IKBKE: variants seen among roughly 807,000 people sequenced by gnomAD.
IKBKE encodes the protein inhibitor of nuclear factor kappa B kinase subunit epsilon.
IKBKE carries 45 observed loss-of-function variants against 92.1 expected under a neutral mutation model. That is an observed-to-expected ratio of 0.49 (90% CI 0.38 to 0.63). The LOEUF (loss-of-function observed/expected upper bound fraction) is 0.63. Among genes scored for constraint, IKBKE ranks in the 20% least tolerant of loss-of-function variants. IKBKE has a pLI of 0.00. For synonymous variants in IKBKE, 374 were observed against 380.3 expected (o/e 0.98, Z 0.19); for missense variants, 700 against 932.8 (o/e 0.75, Z 3.25).
intron 13 of IKBKE, among the ~76,000 whole-genome samples, chr1:206,483,425 AT>A (rs1366673229): frequency 2.0e-5 from 3 of 152,192 alleles, no homozygotes; most frequent in African/African-American, 7.2e-5. Context: ...CGCCTTCAGC[AT>A]CCGTGCACTG....
rs530366333 is a variant in IKBKE at position 206,485,447 on chromosome 1, G to A, written c.1616+141G>A. The A allele has an allele frequency of 2.6e-3, 1,628 of 618,676 alleles. 4 individuals are homozygous for A. The highest frequency in any genetic ancestry group is 4.9e-3 in the Middle Eastern group (12 of 2,470). The allele number at this position is 618,676 out of a possible 1,614,324, so 38.3% of individuals were successfully genotyped here. On this transcript the variant is annotated intron_variant, in intron 15 of 21. Transcript: ENST00000581977. This position sits in a 1 kb window ranked among gnomAD's most constrained non-coding sequence, Gnocchi z 5.0. ...GTGCTAGGGCATGGGGGAGTAGAGG[G>A]AGATCCAGCAATAAACAAGAACCCC...
chr1:206,474,457 G>A lies in IKBKE; in HGVS notation c.214G>A (p.Ala72Thr), dbSNP rs201577746. The A allele has an allele frequency of 1.3e-4, 210 of 1,613,690 alleles. No individual in the cohort carries two copies. The highest frequency in any genetic ancestry group is 1.7e-4 in the Non-Finnish European group (197 of 1,179,828). ...LNHQNIVKLF[A>T]VEETGGSRQK... ...CCACCAGAACATTGTCAAGCTCTTT[G>A]CGGTGGAGGAGACGGTAGGTCCGGT... The change falls in exon 4 of 22, where the codon GCG becomes ACG. Residue 72 changes from alanine (A) to threonine (T), a missense_variant. Transcript: ENST00000581977.
chr1:206,489,379 A>ATGTGTC (rs1665827874), intron 16 of IKBKE, among the ~76,000 whole-genome samples: 1 of 130,522 alleles, frequency 7.7e-6, no homozygotes, highest in Admixed American at 7.7e-5. Flanking sequence ...GTATATATAT[A>ATGTGTC]TATATATATA....
chr1:206,491,775 A>G lies in IKBKE; in HGVS notation c.1835+26A>G, dbSNP rs1482259722. 3 of 1,563,420 alleles carry G rather than the reference A, an allele frequency of 1.9e-6. No individual in the cohort carries two copies. In the African/African-American group the frequency reaches 4.1e-5, roughly 21 times the overall value. On this transcript the variant is annotated intron_variant, in intron 18 of 21. Transcript: ENST00000581977. ...GTAACAGCCCCTCCTGAGCTCCTGG[A>G]GCCCAGGGCCTGGCCTGGCCCTTCT... is the stretch of plus-strand genomic sequence containing the variant.
chr1:206,482,669 C>G (rs1311088509), intron 13 of IKBKE, among the ~76,000 whole-genome samples: 1 of 152,232 alleles, frequency 6.6e-6, no homozygotes, highest in African/African-American at 2.4e-5. Context: ...AGCCTCTTCT[C>G]TTAGTCTGGG....
chr1:206,493,663 C>T (rs1168003813), intron 20 of IKBKE, among the ~76,000 whole-genome samples: 1 of 152,194 alleles, frequency 6.6e-6, no homozygotes, highest in Non-Finnish European at 1.5e-5. Context: ...GTGGCAGGCA[C>T]CTGTAATCTC....
In IKBKE at chr1:206,474,390, C is replaced by T. The variant is rs202043961; in HGVS notation, c.147C>T (p.Arg49=). ...ACACTACCAGCTACCTGCGGCCCCG[C>T]GAGGTGCAGGTGAGGGAGTTTGAGG... ...VFNTTSYLRP[R]EVQVREFEVL... is the part of the protein sequence containing the mutation. The change falls in exon 4 of 22, where the codon CGC becomes CGT. Residue 49 remains arginine (R), a synonymous_variant. Transcript: ENST00000581977. 199 of 1,613,602 alleles carry T rather than the reference C, an allele frequency of 1.2e-4. 1 individual carries two copies. Among genetic ancestry groups the T allele is most frequent in the Middle Eastern group, 8.3e-4 (5 of 6,058 alleles).
intron 15 of IKBKE, among the ~76,000 whole-genome samples, chr1:206,486,557 AG>A (rs1665673210): frequency 1.3e-5 from 2 of 148,772 alleles, no homozygotes; most frequent in East Asian, 2.0e-4. Flanking sequence ...TGCAGATCTG[AG>A]GCCCTGTCCT....
At chr1:206,492,213 C>A in intron 18 of IKBKE, 1 of 352,018 alleles carries the variant, frequency 2.8e-6, no homozygotes, top group Non-Finnish European at 5.6e-6. Flanking sequence ...GGGATAAGGA[C>A]AGTGGCAGTG....
rs782190683 is a variant in IKBKE, at chr1:206,478,559, T to C, written c.992+220T>C. On this transcript the variant is annotated intron_variant, in intron 9 of 21. Transcript: ENST00000581977. The surrounding 1 kb of genome is among the most constrained non-coding windows in gnomAD (Gnocchi z 4.8). ...GTCAGTACCTTTTCTAATGCTAATATGCATTATACATCTGAGAAGTGTGTG... is the reference window on the plus strand; with the variant it reads ...GTCAGTACCTTTTCTAATGCTAATACGCATTATACATCTGAGAAGTGTGTG... Among the ~76,000 whole-genome samples, 76 of 152,348 alleles carry C rather than the reference T, an allele frequency of 5.0e-4. No homozygotes were observed. Among genetic ancestry groups the C allele is most frequent in the Non-Finnish European group, 9.6e-4 (65 of 68,040 alleles).
In IKBKE at chr1:206,493,940, G is replaced by A. The variant is rs1666086434; in HGVS notation, c.2066G>A (p.Gly689Glu). The A allele has an allele frequency of 6.2e-7, 1 of 1,614,108 alleles. No homozygotes were observed. The highest frequency in any genetic ancestry group is 1.1e-5 in the South Asian group (1 of 91,078). Residue 689 changes from glycine (G) to glutamate (E), a missense_variant, in exon 21 of 22, where the codon GGG becomes GAG. Transcript: ENST00000581977. ...LLLHMQELCE[G>E]MKLLASDLLD... is the part of the protein sequence containing the mutation. ...GGCAGCATGCAAGAGCTCTGCGAGG[G>A]GATGAAGCTGCTGGCATCTGACCTC...
At chr1:206,494,384 G>C (rs1202728073) in intron 21 of IKBKE, among the ~76,000 whole-genome samples, 1 of 152,046 alleles carries the variant, frequency 6.6e-6, no homozygotes, top group African/African-American at 2.4e-5. Flanking sequence ...CAGACACCTT[G>C]GATACGATGC....
At chr1:206,479,995 C>A (rs781905026) in intron 11 of IKBKE, 27 bp from the exon 12 acceptor site, 99 of 1,611,818 alleles carry the variant, frequency 6.1e-5, no homozygotes, top group Non-Finnish European at 8.1e-5. Flanking sequence ...GGTGTGGGAC[C>A]TGGCCCTGTG....
chr1:206,488,283 G>A (rs1021312827), intron 16 of IKBKE, among the ~76,000 whole-genome samples: 1 of 152,238 alleles, frequency 6.6e-6, no homozygotes, highest in Non-Finnish European at 1.5e-5. Flanking sequence ...CAGTGGGCCG[G>A]GACCTGGGTG....
At chr1:206,496,073 C>T in intron 21 of IKBKE, 39 bp from the exon 22 acceptor site, 1 of 1,590,228 alleles carries the variant, frequency 6.3e-7, no homozygotes, top group Non-Finnish European at 8.6e-7. Flanking sequence ...CAGGCCTCTC[C>T]AACAGGTGGG....
Position 206,479,018 on chromosome 1 carries a change from T to C in IKBKE, c.1068T>C (p.Gly356=), listed in dbSNP as rs1261322903. The part of the protein sequence containing the change: ...APRHQEYLFE[G]HLCVLEPSVS... ...GACACCAGGAGTACCTCTTTGAGGG[T>C]CACCTCTGTGTCCTCGAGCCCAGCG... Residue 356 remains glycine (G), a synonymous_variant, in exon 10 of 22, where the codon GGT becomes GGC. Transcript: ENST00000581977. The C allele has an allele frequency of 6.2e-7, 1 of 1,613,976 alleles. No homozygotes were observed. The highest frequency in any genetic ancestry group is 1.7e-5 in the Admixed American group (1 of 59,992).
At chr1:206,481,859 A>G (rs1665414029) in intron 13 of IKBKE, among the ~76,000 whole-genome samples, 1 of 136,454 alleles carries the variant, frequency 7.3e-6, no homozygotes, top group African/African-American at 2.8e-5. Flanking sequence ...GGCTCACTGC[A>G]AGCTCCGCCT....
rs1553389217 is a variant in IKBKE at position 206,487,958 on chromosome 1, A to G, written c.1661A>G (p.Tyr554Cys). 2 of 1,613,824 alleles carry G rather than the reference A, an allele frequency of 1.2e-6. No individual in the cohort carries two copies. The highest frequency in any genetic ancestry group is 1.7e-5 in the Admixed American group (1 of 60,014). The stretch of plus-strand genomic sequence containing the variant: ...TGTTTGGACAAGATGAACTTCATCT[A>G]CAAACAGTTCAAGAAGTCTAGGATG... Reference protein sequence around the residue: ...QCCLDKMNFIYKQFKKSRMRP... With the variant: ...QCCLDKMNFICKQFKKSRMRP... Residue 554 changes from tyrosine to cysteine, a missense_variant, in exon 16 of 22, where the codon TAC (tyrosine) becomes TGC (cysteine). Tyr to Cys is a radical substitution (Grantham distance 194). Transcript: ENST00000581977. The surrounding 1 kb of genome is among the most constrained non-coding windows in gnomAD (Gnocchi z 5.3).
rs1666038341 is a variant in IKBKE, at chr1:206,493,082, A to C, written c.1895A>C (p.Asn632Thr). Residue 632 changes from asparagine to threonine, a missense_variant, in exon 19 of 22, where the codon AAC (asparagine) becomes ACC (threonine). Coordinates refer to ENST00000581977, the MANE Select transcript of IKBKE (RefSeq NM_014002.4). ...GTTGGCTGTTCTGTGGCTGCCTGTA[A>C]CACAGAAGCCCAGGGGGTCCAGGAG... Reference protein sequence around the residue: ...RLVGCSVAACNTEAQGVQESL... With the variant: ...RLVGCSVAACTTEAQGVQESL... 6.3e-7 allele frequency: 1 copy of C among 1,592,486 alleles called. No individual in the cohort carries two copies. Among genetic ancestry groups the C allele is most frequent in the Non-Finnish European group, 8.5e-7 (1 of 1,170,096 alleles).
Sources: gnomAD v4.1 joint callset for allele counts (sites outside exome capture counted in the v4.1 genomes callset) on GRCh38, gnomAD v4.1.1 for gene constraint, Gnocchi (gnomAD v3.1) non-coding constraint, MANE v1.5 for transcripts, NCBI Gene and HGNC (gene_info 2026-07-23, HGNC 2026-07-21) for gene names.